NCKAP5: variants seen among roughly 807,000 people sequenced by gnomAD.
The protein encoded by NCKAP5 is NCK associated protein 5, also known as nck-associated protein 5.
Under a neutral mutation model 167.0 loss-of-function variants are expected in NCKAP5, and 92 were observed. That is an observed-to-expected ratio of 0.55 (90% CI 0.47 to 0.66). NCKAP5 has a LOEUF of 0.66. Among genes scored for constraint, NCKAP5 ranks in the 30% least tolerant of loss-of-function variants. The pLI, the probability that NCKAP5 is intolerant of heterozygous loss-of-function variation, is 0.00. For missense variants in NCKAP5, 2,378 were observed against 2,315.0 expected (o/e 1.03, Z -0.56); for synonymous variants, 891 against 877.4 (o/e 1.02, Z -0.27).
intron 6 of NCKAP5, among the ~76,000 whole-genome samples, chr2:133,075,907 G>C (rs978817625): frequency 6.6e-6 from 1 of 152,102 alleles, no homozygotes; most frequent in Non-Finnish European, 1.5e-5. Flanking sequence ...AATAAGGAAA[G>C]AGATTGCTGG....
chr2:133,435,433 G>C (rs1311157155), intron 3 of NCKAP5, among the ~76,000 whole-genome samples: 1 of 152,118 alleles, frequency 6.6e-6, no homozygotes, highest in Non-Finnish European at 1.5e-5. Flanking sequence ...AAGATAATAG[G>C]ATGACTAGGC....
intron 12 of NCKAP5, among the ~76,000 whole-genome samples, chr2:132,792,766 C>T (rs2105128649): frequency 6.6e-6 from 1 of 152,340 alleles, no homozygotes; most frequent in East Asian, 1.9e-4. Flanking sequence ...GCATGCAATT[C>T]TCTGTCCTTC....
chr2:133,213,223 A>G (rs181152526), intron 5 of NCKAP5, among the ~76,000 whole-genome samples: 1 of 152,344 alleles, frequency 6.6e-6, no homozygotes, highest in East Asian at 1.9e-4. Flanking sequence ...AAATACAAGG[A>G]AACATCAGTT....
chr2:133,341,700 T>G (rs1187741856), intron 3 of NCKAP5, among the ~76,000 whole-genome samples: 1 of 152,186 alleles, frequency 6.6e-6, no homozygotes, highest in Non-Finnish European at 1.5e-5. Flanking sequence ...CCCATGACAC[T>G]TAACCATGCT....
intron 3 of NCKAP5, among the ~76,000 whole-genome samples, chr2:133,323,009 T>C (rs1367898230): frequency 2.0e-5 from 3 of 152,186 alleles, no homozygotes; most frequent in East Asian, 1.9e-4. Flanking sequence ...ATTTTGAGTA[T>C]GGAAAGACAG....
intron 5 of NCKAP5, among the ~76,000 whole-genome samples, chr2:133,137,065 C>A (rs929544704): frequency 3.9e-5 from 6 of 152,156 alleles, no homozygotes; most frequent in African/African-American, 1.4e-4. Context: ...TCTGTCAAGC[C>A]AGTATGAAAT....
intron 3 of NCKAP5, among the ~76,000 whole-genome samples, chr2:133,472,946 A>T (rs543170663): frequency 4.7e-4 from 72 of 152,314 alleles, no homozygotes; most frequent in African/African-American, 1.6e-3. Flanking sequence ...GGCCTTTATC[A>T]TCTTGATAAA....
rs3044408 is a variant in NCKAP5, at chr2:132,883,205, T to TACACACACACACACACAC, written c.580-4307_580-4290dup. Among the ~76,000 whole-genome samples, 168 of 139,748 alleles carry TACACACACACACACACAC rather than the reference T, an allele frequency of 1.2e-3. 2 individuals carry two copies. Among genetic ancestry groups the TACACACACACACACACAC allele is most frequent in the East Asian group, 3.9e-3 (18 of 4,666 alleles). The allele number at this position is 139,748 out of a possible 152,430, so 91.7% of individuals were successfully genotyped here. On this transcript the variant is annotated intron_variant, in intron 8 of 19. Transcript: ENST00000409261. Reference sequence around the variant, plus strand: ...CGACAAAACCAGACCCTGACTCAAATACACACACACACACACACACACACA... The same window carrying TACACACACACACACACAC: ...CGACAAAACCAGACCCTGACTCAAATACACACACACACACACACACACACACACACACACACACACACA...
intron 7 of NCKAP5, among the ~76,000 whole-genome samples, chr2:132,993,043 AACCAGTT>A (rs2077491572): frequency 1.3e-5 from 2 of 152,110 alleles, no homozygotes; most frequent in African/African-American, 4.8e-5. Flanking sequence ...CCCTTTTCAC[AACCAGTT>A]GGGTTGCAGA....
At chr2:133,084,873 T>C (rs1371545320) in intron 6 of NCKAP5, among the ~76,000 whole-genome samples, 1 of 152,156 alleles carries the variant, frequency 6.6e-6, no homozygotes, top group Non-Finnish European at 1.5e-5. Flanking sequence ...TCGCCTTAAG[T>C]GGAAGGATAA....
chr2:133,008,347 C>T (rs140155007), intron 6 of NCKAP5, among the ~76,000 whole-genome samples: 181 of 152,236 alleles, frequency 1.2e-3, no homozygotes, highest in Admixed American at 1.8e-3. Flanking sequence ...ATATGCATTC[C>T]CTCTGGTCCG....
intron 3 of NCKAP5, among the ~76,000 whole-genome samples, chr2:133,338,800 A>C (rs1683383413): frequency 6.6e-6 from 1 of 151,984 alleles, no homozygotes; most frequent in Admixed American, 6.6e-5. Context: ...TTGAGGTCAG[A>C]AGTTTGAGAC....
At chr2:132,770,058 G>A (rs1681887989) in intron 16 of NCKAP5, among the ~76,000 whole-genome samples, 1 of 152,086 alleles carries the variant, frequency 6.6e-6, no homozygotes, top group Non-Finnish European at 1.5e-5. Context: ...TTTGCCCCTG[G>A]CAATGATTCT....
chr2:132,787,593 G>A (rs932257097), intron 13 of NCKAP5, among the ~76,000 whole-genome samples: 13 of 151,998 alleles, frequency 8.6e-5, no homozygotes, highest in Admixed American at 3.9e-4. Flanking sequence ...TATCAACAAC[G>A]CACACATTTA....
At chr2:133,206,858 G>A (rs58983102) in intron 5 of NCKAP5, among the ~76,000 whole-genome samples, 17,413 of 152,068 alleles carry the variant, frequency 0.11, 1,345 homozygotes, top group African/African-American at 0.22. Context: ...GCTGCTCTGG[G>A]AGTGTCTGTC....
At chr2:133,526,657 C>G (rs1684950715) in intron 2 of NCKAP5, among the ~76,000 whole-genome samples, 1 of 152,146 alleles carries the variant, frequency 6.6e-6, no homozygotes, top group Non-Finnish European at 1.5e-5. Flanking sequence ...CTCAAACCAT[C>G]TGTTCCTTCT....
the NCKAP5 span, among the ~76,000 whole-genome samples, chr2:133,646,733 T>C: frequency 3.9e-5 from 6 of 152,194 alleles, no homozygotes; most frequent in Admixed American, 1.3e-4. Context: ...TAAATCACTT[T>C]TAATTCTAGC....
intron 4 of NCKAP5, among the ~76,000 whole-genome samples, chr2:133,240,511 G>A (rs761945532): frequency 4.6e-5 from 7 of 152,086 alleles, no homozygotes; most frequent in Non-Finnish European, 7.4e-5. Context: ...GATGGCTGGC[G>A]TCCTGTACAG....
intron 3 of NCKAP5, among the ~76,000 whole-genome samples, chr2:133,346,922 G>A (rs997935424): frequency 6.6e-6 from 1 of 152,222 alleles, no homozygotes; most frequent in African/African-American, 2.4e-5. Flanking sequence ...GCTCTGACAA[G>A]TACAAACTGT....
Sources: gnomAD v4.1 joint callset for allele counts (sites outside exome capture counted in the v4.1 genomes callset) on GRCh38, gnomAD v4.1.1 for gene constraint, MANE v1.5 for transcripts, NCBI Gene and HGNC (gene_info 2026-07-23, HGNC 2026-07-21) for gene names.